The following ZFYVE16 variants were observed in gnomAD, a reference collection of about 807,000 sequenced individuals.
ZFYVE16 encodes zinc finger FYVE domain-containing protein 16.
Under a neutral mutation model 138.1 loss-of-function variants are expected in ZFYVE16, and 89 were observed. That is an observed-to-expected ratio of 0.64 (90% CI 0.54 to 0.77). The LOEUF is 0.77. Ranked by LOEUF, ZFYVE16 falls within the 30% of genes least tolerant of loss-of-function variation. The probability of loss-of-function intolerance (pLI) is 0.00; values close to 1 mark genes in which losing one functional copy is unlikely to be tolerated. For synonymous variants in ZFYVE16, 596 were observed against 618.3 expected (o/e 0.96, Z 0.53); for missense variants, 1,793 against 1,786.7 (o/e 1.00, Z -0.06).
At chr5:80,458,567 C>T (rs1752773455) in intron 14 of ZFYVE16, among the ~76,000 whole-genome samples, 1 of 152,122 alleles carries the variant, frequency 6.6e-6, no homozygotes, top group African/African-American at 2.4e-5. Context: ...TTATATTCTA[C>T]AGAACTTTAC....
intron 1 of ZFYVE16, among the ~76,000 whole-genome samples, chr5:80,408,516 G>A (rs1251844210): frequency 6.6e-6 from 1 of 152,244 alleles, no homozygotes; most frequent in Non-Finnish European, 1.5e-5. Context: ...CGTCCCGCCT[G>A]GGGAGGGGCT....
intron 3 of ZFYVE16, chr5:80,435,839 C>A: frequency 6.6e-6 from 2 of 300,906 alleles, no homozygotes; most frequent in Non-Finnish European, 1.4e-5. Context: ...CTTCCCAAAG[C>A]GCTGGGATTA....
At chr5:80,461,233 G>A (rs774882633) in intron 15 of ZFYVE16, among the ~76,000 whole-genome samples, 1 of 152,080 alleles carries the variant, frequency 6.6e-6, no homozygotes, top group African/African-American at 2.4e-5. Context: ...AAAAAAGTCT[G>A]AAATCTGAAA....
In ZFYVE16 at chr5:80,478,521, T is replaced by G. The variant is rs1407029947; in HGVS notation, c.*1144T>G. ...AACAGCAAAAAAGTGGGGGGCATAT[T>G]GTAGTCCTGTCATTTAAGTTATGTA... On this transcript the variant is annotated 3_prime_UTR_variant, in exon 19 of 19. Transcript: ENST00000505560. 6.6e-6 allele frequency: 1 copy of G among 152,122 alleles called. No individual in the cohort carries two copies. Among genetic ancestry groups the G allele is most frequent in the African/African-American group, 2.4e-5 (1 of 41,458 alleles). The allele number at this position is 152,122 out of a possible 1,614,324, so 9.4% of individuals were successfully genotyped here.
chr5:80,407,669 G>A (rs1744805968), upstream of ZFYVE16, among the ~76,000 whole-genome samples: 1 of 152,240 alleles, frequency 6.6e-6, no homozygotes, highest in Non-Finnish European at 1.5e-5. Context: ...GGGAAGGCGG[G>A]TCTGTCCAGT....
intron 2 of ZFYVE16, among the ~76,000 whole-genome samples, chr5:80,429,275 G>T (rs1368638536): frequency 6.6e-6 from 1 of 152,234 alleles, no homozygotes; most frequent in Non-Finnish European, 1.5e-5. Context: ...AACTCTACAA[G>T]CCAGGAGTGG....
chr5:80,479,246 C>T lies in ZFYVE16; in HGVS notation c.*1869C>T, dbSNP rs1054775372. 2 of 152,100 alleles carry T rather than the reference C, an allele frequency of 1.3e-5. No homozygotes were observed. The highest frequency in any genetic ancestry group is 2.9e-5 in the Non-Finnish European group (2 of 68,012). The allele number at this position is 152,100 out of a possible 1,614,324, so 9.4% of individuals were successfully genotyped here. On this transcript the variant is annotated 3_prime_UTR_variant, in exon 19 of 19. Coordinates refer to ENST00000505560, the MANE Select transcript of ZFYVE16 (RefSeq NM_001284236.3). ...TTTTAAGAGAAGAAATAGAATGGTT[C>T]TTTGTACTCAGTCTGCAATGATCTA...
intron 15 of ZFYVE16, among the ~76,000 whole-genome samples, chr5:80,466,248 A>G (rs532972129): frequency 2.6e-5 from 4 of 152,036 alleles, no homozygotes; most frequent in Admixed American, 6.6e-5. Flanking sequence ...ATTCTTGATG[A>G]TATACCCACA....
At chr5:80,421,558 T>G (rs1747180412) in intron 1 of ZFYVE16, among the ~76,000 whole-genome samples, 1 of 152,232 alleles carries the variant, frequency 6.6e-6, no homozygotes, top group Admixed American at 6.5e-5. Flanking sequence ...GGGAATCCTT[T>G]CCCCATTTCT....
chr5:80,458,609 C>G (rs1752777866), intron 14 of ZFYVE16, among the ~76,000 whole-genome samples: 1 of 152,112 alleles, frequency 6.6e-6, no homozygotes, highest in South Asian at 2.1e-4. Context: ...TTAACTGTCC[C>G]TTATTGATGG....
At chr5:80,441,014 C>CT (rs1750650975) in intron 5 of ZFYVE16, 1 of 985,220 alleles carries the variant, frequency 1.0e-6, no homozygotes, top group Non-Finnish European at 1.2e-6. Flanking sequence ...AAGCGTAAAT[C>CT]TTTTTATGTT....
rs1215989014 is a variant in ZFYVE16 at position 80,437,078 on chromosome 5, T to A, written c.393T>A (p.Ser131Arg). The A allele has an allele frequency of 6.2e-7, 1 of 1,614,050 alleles. No individual in the cohort carries two copies. The highest frequency in any genetic ancestry group is 8.5e-7 in the Non-Finnish European group (1 of 1,180,022). The stretch of plus-strand genomic sequence containing the variant: ...GTAAACCTATCTGTGATCTGATAAG[T>A]GACATGGGTAACTTAGTTCATGCAA... ...RCSKPICDLI[S>R]DMGNLVHATN... is the part of the protein sequence containing the mutation. The change falls in exon 4 of 19, where the codon AGT becomes AGA. Residue 131 changes from serine (S) to arginine (R), a missense_variant. Physicochemically the swap from Ser to Arg is moderately radical, Grantham distance 110 (BLOSUM62 -1). Transcript: ENST00000505560.
rs1750302092 is a variant in ZFYVE16 at position 80,438,741 on chromosome 5, C to G, written c.2056C>G (p.Pro686Ala). 1 of 1,614,114 alleles carries G rather than the reference C, an allele frequency of 6.2e-7. No homozygotes were observed. The highest frequency in any genetic ancestry group is 8.5e-7 in the Non-Finnish European group (1 of 1,179,994). Reference sequence around the variant, plus strand: ...ACCCAGCACAGCAGATACCGTTGTTCCAATCACTTGTGCTATAGATTCTAC... The same window carrying G: ...ACCCAGCACAGCAGATACCGTTGTTGCAATCACTTGTGCTATAGATTCTAC... ...SEPSTADTVVPITCAIDSTAD... is the reference protein window; with the variant it reads ...SEPSTADTVVAITCAIDSTAD... Residue 686 changes from proline to alanine, a missense_variant, in exon 4 of 19, where the codon CCA (proline) becomes GCA (alanine). By Grantham distance (27) the Pro-to-Ala change is conservative (BLOSUM62 -1). This residue lies in a region of ZFYVE16 where 1,295 missense variants were observed against 1,204.3 expected (regional missense o/e 1.08). Coordinates refer to ENST00000505560, the MANE Select transcript of ZFYVE16 (RefSeq NM_001284236.3).
chr5:80,407,780 G>A (rs911352078), upstream of ZFYVE16, among the ~76,000 whole-genome samples: 1 of 152,200 alleles, frequency 6.6e-6, no homozygotes, highest in African/African-American at 2.4e-5. Flanking sequence ...ACACTGACGC[G>A]AGTGGCCTCC....
intron 7 of ZFYVE16, 123 bp from the exon 8 acceptor site, chr5:80,447,903 T>C: frequency 1.2e-6 from 1 of 831,008 alleles, no homozygotes; most frequent in Non-Finnish European, 1.7e-6. Flanking sequence ...AGAGAATTTC[T>C]GAACGCATTT....
chr5:80,434,099 T>C lies in ZFYVE16; in HGVS notation c.-39-10T>C, dbSNP rs765854783. The stretch of plus-strand genomic sequence containing the variant: ...TTAAATGAAATATTATTATACTTTC[T>C]ATTTTTTAGGCATACAAGAATTAAA... On this transcript the variant is annotated splice_polypyrimidine_tract_variant and intron_variant, in intron 2 of 18. Transcript: ENST00000505560. 6.5e-7 allele frequency: 1 copy of C among 1,529,600 alleles called. No homozygotes were observed. Among genetic ancestry groups the C allele is most frequent in the Non-Finnish European group, 9.0e-7 (1 of 1,110,346 alleles). The allele number at this position is 1,529,600 out of a possible 1,614,324, so 94.8% of individuals were successfully genotyped here.
chr5:80,477,402 T>C lies in ZFYVE16; in HGVS notation c.*25T>C, dbSNP rs1755024701. 1.9e-6 allele frequency: 3 copies of C among 1,588,036 alleles called. No individual in the cohort carries two copies. The highest frequency in any genetic ancestry group is 4.5e-5 in the East Asian group (2 of 43,984). On this transcript the variant is annotated 3_prime_UTR_variant, in exon 19 of 19. Coordinates refer to ENST00000505560, the MANE Select transcript of ZFYVE16 (RefSeq NM_001284236.3). ...GTGAAAGAATGTGCCATATTACATATTGCAACCTAATTTGTTAAAACTAAC... is the reference window on the plus strand; with the variant it reads ...GTGAAAGAATGTGCCATATTACATACTGCAACCTAATTTGTTAAAACTAAC...
At chr5:80,476,984 G>A (rs1388702606) in intron 18 of ZFYVE16, among the ~76,000 whole-genome samples, 1 of 152,022 alleles carries the variant, frequency 6.6e-6, no homozygotes, top group South Asian at 2.1e-4. Context: ...TAGAGGAAAC[G>A]TAAAGTATGA....
rs1750297844 is a variant in ZFYVE16, at chr5:80,438,724, C to T, written c.2039C>T (p.Thr680Ile). Residue 680 changes from threonine to isoleucine, a missense_variant, in exon 4 of 19, where the codon ACA becomes ATA. By Grantham distance (89) the Thr-to-Ile change is moderately conservative. This residue lies in a region of ZFYVE16 where 1,295 missense variants were observed against 1,204.3 expected (regional missense o/e 1.08). Transcript: ENST00000505560. ...GATACAATAGAAAGTGAACCCAGCA[C>T]AGCAGATACCGTTGTTCCAATCACT... Reference protein sequence around the residue: ...VPDTIESEPSTADTVVPITCA... With the variant: ...VPDTIESEPSIADTVVPITCA... 7.4e-6 allele frequency: 12 copies of T among 1,614,138 alleles called. No individual in the cohort carries two copies. The East Asian group carries it at 2.2e-4, about 30-fold the overall frequency.
Sources: allele counts gnomAD v4.1 joint callset (sites outside exome capture counted in the v4.1 genomes callset), GRCh38; gene constraint gnomAD v4.1.1; regional missense constraint gnomAD v4.1.1; transcripts MANE v1.5; gene names NCBI Gene and HGNC (gene_info 2026-07-23, HGNC 2026-07-21).